Variants in APBB2 observed in about 807,000 individuals in gnomAD.
APBB2 encodes the protein amyloid beta precursor protein binding family B member 2.
APBB2 carries 38 observed loss-of-function variants against 82.5 expected under a neutral mutation model. The ratio of observed to expected loss-of-function variants is 0.46; its 90% confidence interval spans 0.36 to 0.60. APBB2 has a LOEUF of 0.60. Among genes scored for constraint, APBB2 ranks in the 20% least tolerant of loss-of-function variants. The probability of loss-of-function intolerance (pLI) is 0.00; values close to 1 mark genes in which losing one functional copy is unlikely to be tolerated. For missense variants in APBB2, 772 were observed against 972.3 expected (o/e 0.79, Z 2.74); for synonymous variants, 341 against 368.2 (o/e 0.93, Z 0.85).
At chr4:41,213,637 C>T (rs1779877997) in intron 1 of APBB2, among the ~76,000 whole-genome samples, 1 of 152,258 alleles carries the variant, frequency 6.6e-6, no homozygotes, top group Non-Finnish European at 1.5e-5. Flanking sequence ...TCCTTCCCTC[C>T]GTCCAGCTCT....
At chr4:41,174,786 G>A (rs752901227) in intron 1 of APBB2, among the ~76,000 whole-genome samples, 2 of 152,112 alleles carry the variant, frequency 1.3e-5, no homozygotes, top group African/African-American at 2.4e-5. Context: ...ACTGCAGTAC[G>A]AAAGTATTAA....
chr4:41,092,494 G>A (rs1338221022), intron 3 of APBB2, among the ~76,000 whole-genome samples: 1 of 152,098 alleles, frequency 6.6e-6, no homozygotes. Flanking sequence ...TCTGAGACCA[G>A]CCTGGCCAAC....
chr4:41,037,968 T>C (rs1719896361), intron 4 of APBB2, among the ~76,000 whole-genome samples: 2 of 151,284 alleles, frequency 1.3e-5, no homozygotes. Flanking sequence ...TGGGGACTAA[T>C]GGCAGGCCAC....
At chr4:40,911,781 G>T (rs989937297) in intron 10 of APBB2, among the ~76,000 whole-genome samples, 2 of 152,180 alleles carry the variant, frequency 1.3e-5, no homozygotes, top group African/African-American at 4.8e-5. Flanking sequence ...CACCTAGGGG[G>T]ACACGGATTC....
intron 1 of APBB2, among the ~76,000 whole-genome samples, chr4:41,199,328 T>C (rs995019427): frequency 1.3e-5 from 2 of 152,224 alleles, no homozygotes; most frequent in Non-Finnish European, 1.5e-5. Context: ...TCAAGGTTTC[T>C]CTTTATACAG....
chr4:40,950,443 G>A (rs4600954), intron 6 of APBB2, among the ~76,000 whole-genome samples: 38,699 of 152,006 alleles, frequency 0.25, 4,949 homozygotes, highest in African/African-American at 0.27. Context: ...CAGGCACAGT[G>A]GCTCATGCCT....
At chr4:41,203,353 T>C (rs555836884) in intron 1 of APBB2, among the ~76,000 whole-genome samples, 1 of 152,314 alleles carries the variant, frequency 6.6e-6, no homozygotes, top group South Asian at 2.1e-4. Context: ...AGAACTTCCT[T>C]TATTTTTCTT....
intron 10 of APBB2, among the ~76,000 whole-genome samples, chr4:40,908,750 C>T (rs1777749625): frequency 6.6e-6 from 1 of 152,208 alleles, no homozygotes; most frequent in Non-Finnish European, 1.5e-5. Flanking sequence ...TAGCTTTGGG[C>T]TGGTCCCGAG....
At chr4:41,105,228 T>C (rs1281853867) in intron 2 of APBB2, among the ~76,000 whole-genome samples, 1 of 152,248 alleles carries the variant, frequency 6.6e-6, no homozygotes, top group East Asian at 1.9e-4. Flanking sequence ...ATTTTTGTTT[T>C]GTTTTTTACT....
chr4:40,991,986 T>G (rs1934301306), intron 6 of APBB2, among the ~76,000 whole-genome samples: 1 of 151,982 alleles, frequency 6.6e-6, no homozygotes, highest in Non-Finnish European at 1.5e-5. Context: ...CATCTCTCTC[T>G]CTCACACTCA....
chr4:40,824,664 T>C (rs1017758636), intron 15 of APBB2, among the ~76,000 whole-genome samples: 4 of 151,882 alleles, frequency 2.6e-5, no homozygotes, highest in African/African-American at 7.3e-5. Flanking sequence ...ATTTTTTGAA[T>C]TTTTTTTGTA....
chr4:40,986,951 TTAAA>T (rs1448500978), intron 6 of APBB2, among the ~76,000 whole-genome samples: 2 of 152,228 alleles, frequency 1.3e-5, no homozygotes, highest in East Asian at 3.8e-4. Context: ...TGAAAGGCTA[TTAAA>T]GAGAGTGCTA....
At chr4:41,071,582 G>A (rs1733901236) in intron 3 of APBB2, among the ~76,000 whole-genome samples, 1 of 152,088 alleles carries the variant, frequency 6.6e-6, no homozygotes, top group African/African-American at 2.4e-5. Context: ...TTGGGAGGCT[G>A]GGGCAGGAGA....
intron 1 of APBB2, among the ~76,000 whole-genome samples, chr4:41,212,545 G>T (rs2154083605): frequency 6.6e-6 from 1 of 152,266 alleles, no homozygotes; most frequent in South Asian, 2.1e-4. Context: ...TCAGTTAAAA[G>T]TATCCATTAG....
At chr4:41,180,320 C>T (rs755056521) in intron 1 of APBB2, among the ~76,000 whole-genome samples, 33 of 152,288 alleles carry the variant, frequency 2.2e-4, no homozygotes, top group Middle Eastern at 6.8e-3. Context: ...TAAGAGTAAA[C>T]TTGGCTGGAC....
chr4:40,902,812 G>A (rs1192532408), intron 10 of APBB2, among the ~76,000 whole-genome samples: 1 of 152,160 alleles, frequency 6.6e-6, no homozygotes, highest in Non-Finnish European at 1.5e-5. Flanking sequence ...TTACAGGCAT[G>A]GGCCACCCCA....
chr4:41,176,661 C>CA (rs1361545044), intron 1 of APBB2, among the ~76,000 whole-genome samples: 1 of 151,968 alleles, frequency 6.6e-6, no homozygotes, highest in Non-Finnish European at 1.5e-5. Context: ...ATTCTGAACT[C>CA]AGACATTTTG....
At chr4:40,990,402 A>C (rs1197953409) in intron 6 of APBB2, 3 of 152,130 alleles carry the variant, frequency 2.0e-5, no homozygotes, top group African/African-American at 7.2e-5. Context: ...CCGTGAAAAA[A>C]AGTGTTCTTT....
chr4:40,862,630 C>G (rs1428072074), intron 12 of APBB2, among the ~76,000 whole-genome samples: 1 of 152,150 alleles, frequency 6.6e-6, no homozygotes, highest in African/African-American at 2.4e-5. Flanking sequence ...GGAGGCCAAG[C>G]CGGGTGGATT....
Sources: allele counts gnomAD v4.1 joint callset (sites outside exome capture counted in the v4.1 genomes callset), GRCh38; gene constraint gnomAD v4.1.1; transcripts MANE v1.5; gene names NCBI Gene and HGNC (gene_info 2026-07-23, HGNC 2026-07-21).